Variants in ADCY8 observed in about 807,000 individuals in gnomAD.
ADCY8 encodes the protein adenylate cyclase 8.
Under a neutral mutation model 119.7 loss-of-function variants are expected in ADCY8, and 51 were observed. That is an observed-to-expected ratio of 0.43 (90% CI 0.34 to 0.54). The LOEUF (loss-of-function observed/expected upper bound fraction) is 0.54. ADCY8 is among the 20% of genes least tolerant of loss of function. The pLI is 0.03. For synonymous variants in ADCY8, 665 were observed against 651.0 expected, an observed-to-expected ratio of 1.02 and a Z score of -0.33; for missense variants, 1,383 against 1,598.8, an observed-to-expected ratio of 0.87 and a Z score of 2.30.
intron 5 of ADCY8, chr8:130,935,446 G>C (rs1458757200): frequency 6.6e-6 from 1 of 152,214 alleles, no homozygotes; most frequent in East Asian, 1.9e-4. Flanking sequence ...ATGCTACCCA[G>C]ACAAGGAAAG....
rs185753051 is a variant in ADCY8, at chr8:130,952,822, C to T, written c.1111-824G>A. On this transcript the variant is annotated intron_variant, in intron 2 of 17. Coordinates refer to ENST00000286355, the MANE Select transcript of ADCY8 (RefSeq NM_001115.3). ...GCAGGAAAGAAAAAGGGTGTGCCCA[C>T]CATGATAGCTAGTTTTGACTTTAGT... Among the ~76,000 whole-genome samples the T allele has an allele frequency of 2.3e-3, 351 of 152,110 alleles. 1 individual carries two copies. Among genetic ancestry groups the T allele is most frequent in the African/African-American group, 8.2e-3 (341 of 41,478 alleles).
chr8:130,881,136 T>A (rs1447631304), intron 8 of ADCY8, among the ~76,000 whole-genome samples: 1 of 152,180 alleles, frequency 6.6e-6, no homozygotes, highest in African/African-American at 2.4e-5. Context: ...AATTGACCCA[T>A]GCCTTTCGGC....
intron 12 of ADCY8, among the ~76,000 whole-genome samples, chr8:130,831,438 G>A (rs1307012546): frequency 6.6e-6 from 1 of 152,144 alleles, no homozygotes; most frequent in African/African-American, 2.4e-5. Context: ...ACACAGATTG[G>A]AAAATGAGGA....
intron 5 of ADCY8, among the ~76,000 whole-genome samples, chr8:130,936,256 C>G (rs1820783801): frequency 6.6e-6 from 1 of 152,148 alleles, no homozygotes; most frequent in South Asian, 2.1e-4. Context: ...AGCCTAGTTC[C>G]AGAGTCCTCA....
At chr8:130,793,241 A>C (rs932276380) in intron 15 of ADCY8, among the ~76,000 whole-genome samples, 6 of 152,086 alleles carry the variant, frequency 3.9e-5, no homozygotes, top group Non-Finnish European at 8.8e-5. Flanking sequence ...CAGGCCTCTC[A>C]GTAAGCCCTT....
Position 130,943,361 on chromosome 8 carries a change from C to A in ADCY8, c.1343G>T (p.Arg448Leu), listed in dbSNP as rs780241069. Residue 448 changes from arginine (R) to leucine (L), a missense_variant, in exon 4 of 18, where the codon CGA (arginine) becomes CTA (leucine). Arg to Leu is a moderately radical substitution (Grantham distance 102, BLOSUM62 -2). This residue lies in a region of ADCY8 where 928 missense variants were observed against 1,163.5 expected (regional missense o/e 0.80). Coordinates refer to ENST00000286355, the MANE Select transcript of ADCY8 (RefSeq NM_001115.3). Reference sequence around the variant, plus strand: ...TTAAATTCAACTCACATGGGCCAGTCGATCAAATCTGGCAAAGAGCTCGTT... The same window carrying A: ...TTAAATTCAACTCACATGGGCCAGTAGATCAAATCTGGCAAAGAGCTCGTT... ...MLNELFARFDRLAHEHHCLRI... is the reference protein window; with the variant it reads ...MLNELFARFDLLAHEHHCLRI... 3.7e-6 allele frequency: 6 copies of A among 1,612,218 alleles called. No homozygotes were observed. The Admixed American group carries it at 8.4e-5, about 22-fold the overall frequency.
chr8:130,800,358 A>G, intron 15 of ADCY8, 68 bp downstream of exon 15: 1 of 1,569,162 alleles, frequency 6.4e-7, no homozygotes, highest in Non-Finnish European at 8.7e-7. Flanking sequence ...TAATTCCTAC[A>G]ATGAATAACA....
chr8:130,841,294 A>G (rs1817133691), intron 11 of ADCY8, among the ~76,000 whole-genome samples: 1 of 152,232 alleles, frequency 6.6e-6, no homozygotes, highest in Non-Finnish European at 1.5e-5. Flanking sequence ...TCCACTTTAA[A>G]GAAGAGAGGA....
intron 12 of ADCY8, 92 bp downstream of exon 12, chr8:130,836,185 G>T: frequency 1.4e-6 from 2 of 1,379,678 alleles, no homozygotes; most frequent in East Asian, 2.3e-5. Context: ...CAGGCCTTAA[G>T]TTTTAGTAAT....
chr8:130,823,735 T>C (rs997364989), intron 12 of ADCY8, among the ~76,000 whole-genome samples: 1 of 152,144 alleles, frequency 6.6e-6, no homozygotes, highest in African/African-American at 2.4e-5. Flanking sequence ...AAGATGCACA[T>C]ATAAAAAAAT....
chr8:130,914,076 A>G (rs1820058324), intron 5 of ADCY8, among the ~76,000 whole-genome samples: 1 of 152,214 alleles, frequency 6.6e-6, no homozygotes, highest in Non-Finnish European at 1.5e-5. Context: ...GTAGCCTGAG[A>G]AAGTAAAATG....
intron 10 of ADCY8, 150 bp from the exon 11 acceptor site, chr8:130,847,663 T>G (rs1817376047): frequency 1.6e-6 from 1 of 624,550 alleles, no homozygotes; most frequent in Non-Finnish European, 2.8e-6. Flanking sequence ...GGACTTGAAG[T>G]CAGAATGGAA....
At chr8:130,824,285 C>A (rs1279008766) in intron 12 of ADCY8, among the ~76,000 whole-genome samples, 1 of 152,138 alleles carries the variant, frequency 6.6e-6, no homozygotes, top group Admixed American at 6.5e-5. Flanking sequence ...ACTCTAATAA[C>A]CACTTTACAT....
intron 7 of ADCY8, among the ~76,000 whole-genome samples, chr8:130,897,423 A>G (rs1375301639): frequency 1.3e-5 from 2 of 151,928 alleles, no homozygotes; most frequent in Non-Finnish European, 1.5e-5. Context: ...ACATTTGCCA[A>G]CTCAAGTGGG....
At chr8:130,810,712 C>T (rs915588092) in intron 14 of ADCY8, among the ~76,000 whole-genome samples, 3 of 152,188 alleles carry the variant, frequency 2.0e-5, no homozygotes, top group Non-Finnish European at 2.9e-5. Context: ...TAATCCTAGT[C>T]CAGTGTGAAC....
chr8:130,893,875 T>G (rs570419978), intron 7 of ADCY8, among the ~76,000 whole-genome samples: 5 of 151,792 alleles, frequency 3.3e-5, no homozygotes, highest in African/African-American at 1.2e-4. Context: ...TTTATGTGTG[T>G]GTTTGCGGGT....
intron 5 of ADCY8, among the ~76,000 whole-genome samples, chr8:130,931,971 T>C (rs1239676608): frequency 1.3e-5 from 2 of 152,232 alleles, no homozygotes; most frequent in African/African-American, 4.8e-5. Flanking sequence ...TACCTTATTT[T>C]ATCTCTTAGT....
At chr8:130,938,808 A>C (rs544419909) in intron 4 of ADCY8, among the ~76,000 whole-genome samples, 2 of 152,240 alleles carry the variant, frequency 1.3e-5, no homozygotes, top group African/African-American at 4.8e-5. Flanking sequence ...GAACTCTGAC[A>C]GCATGTACAG....
intron 1 of ADCY8, chr8:130,990,812 A>T (rs1822554611): frequency 7.6e-6 from 2 of 261,810 alleles, no homozygotes; most frequent in Non-Finnish European, 1.4e-5. Context: ...GCTGTGAAAA[A>T]GAGGGAATCT....
Sources: allele counts gnomAD v4.1 joint callset (sites outside exome capture counted in the v4.1 genomes callset), GRCh38; gene constraint gnomAD v4.1.1; regional missense constraint gnomAD v4.1.1; transcripts MANE v1.5; gene names NCBI Gene and HGNC (gene_info 2026-07-23, HGNC 2026-07-21).